Variants in PRKCQ observed in about 807,000 individuals in gnomAD.
PRKCQ encodes protein kinase C theta type.
PRKCQ carries 41 observed loss-of-function variants against 91.2 expected under a neutral mutation model. The observed-to-expected ratio is 0.45, with a 90% CI of 0.35 to 0.58. PRKCQ has a LOEUF of 0.58. PRKCQ is among the 20% of genes least tolerant of loss of function. PRKCQ has a pLI of 0.00. For missense variants in PRKCQ, 673 were observed against 896.5 expected (o/e 0.75, Z 3.18); for synonymous variants, 307 against 316.9 (o/e 0.97, Z 0.33).
the PRKCQ span, among the ~76,000 whole-genome samples, chr10:6,410,317 T>C: frequency 2.0e-5 from 3 of 152,204 alleles, no homozygotes; most frequent in African/African-American, 4.8e-5. Flanking sequence ...TGACAAGATA[T>C]GTTAAAGTGA....
At chr10:6,575,205 C>T (rs538377629) in intron 1 of PRKCQ, among the ~76,000 whole-genome samples, 90 of 152,294 alleles carry the variant, frequency 5.9e-4, no homozygotes, top group Admixed American at 9.8e-4. Flanking sequence ...TCCTATTTGC[C>T]TGACCACATC....
At chr10:6,542,642 C>A (rs972177739) in intron 1 of PRKCQ, among the ~76,000 whole-genome samples, 4 of 152,206 alleles carry the variant, frequency 2.6e-5, no homozygotes, top group African/African-American at 9.6e-5. Flanking sequence ...ACAGCTGGAT[C>A]ACTAGGTACC....
intron 1 of PRKCQ, among the ~76,000 whole-genome samples, chr10:6,536,935 C>T (rs990220020): frequency 9.9e-5 from 15 of 152,214 alleles, no homozygotes; most frequent in Admixed American, 6.5e-4. Flanking sequence ...ACAATACCTA[C>T]GGTGCCTTTG....
chr10:6,567,971 G>T (rs757825606), intron 1 of PRKCQ, among the ~76,000 whole-genome samples: 1 of 152,006 alleles, frequency 6.6e-6, no homozygotes, highest in East Asian at 1.9e-4. Flanking sequence ...GGTGGCTCTC[G>T]CCTGTAATCC....
chr10:6,410,660 A>G, the PRKCQ span, among the ~76,000 whole-genome samples: 1 of 152,172 alleles, frequency 6.6e-6, no homozygotes. Flanking sequence ...ATGTCTTACA[A>G]TGAGTTGAGC....
intron 15 of PRKCQ, among the ~76,000 whole-genome samples, chr10:6,451,059 C>A (rs543860494): frequency 0.087 from 13,152 of 151,030 alleles, 640 homozygotes; most frequent in Middle Eastern, 0.19. Context: ...TAGCAGAAGG[C>A]AAGAAATAAC....
chr10:6,544,849 T>C (rs1374923503), intron 1 of PRKCQ, among the ~76,000 whole-genome samples: 1 of 152,140 alleles, frequency 6.6e-6, no homozygotes, highest in African/African-American at 2.4e-5. Context: ...CTCGAACTCC[T>C]GACCTCATGA....
intron 7 of PRKCQ, among the ~76,000 whole-genome samples, chr10:6,495,483 T>C (rs971164741): frequency 6.6e-6 from 1 of 152,240 alleles, no homozygotes; most frequent in Non-Finnish European, 1.5e-5. Flanking sequence ...TCAGTTTCAA[T>C]GTTCCCTCCG....
chr10:6,538,285 C>T (rs1164566636), intron 1 of PRKCQ, among the ~76,000 whole-genome samples: 2 of 152,232 alleles, frequency 1.3e-5, no homozygotes, highest in Non-Finnish European at 2.9e-5. Context: ...ACGGGTATGC[C>T]AGCCTGGGCC....
chr10:6,555,315 T>C (rs1244447289), intron 1 of PRKCQ, among the ~76,000 whole-genome samples: 1 of 151,692 alleles, frequency 6.6e-6, no homozygotes, highest in Non-Finnish European at 1.5e-5. Flanking sequence ...TCGAGAAGGA[T>C]CTGTTCATGT....
At chr10:6,492,996 C>A (rs546142735) in intron 7 of PRKCQ, among the ~76,000 whole-genome samples, 1 of 152,170 alleles carries the variant, frequency 6.6e-6, no homozygotes, top group South Asian at 2.1e-4. Flanking sequence ...CATTTTCAAC[C>A]AAGAAAAAAA....
chr10:6,417,526 C>A, the PRKCQ span, among the ~76,000 whole-genome samples: 1 of 152,172 alleles, frequency 6.6e-6, no homozygotes, highest in Non-Finnish European at 1.5e-5. Context: ...CGTAACTGTT[C>A]TGATGTTCGG....
the PRKCQ span, among the ~76,000 whole-genome samples, chr10:6,404,249 G>GT: frequency 0.055 from 1,029 of 18,830 alleles, 52 homozygotes; most frequent in African/African-American, 0.099. Context: ...GGGAGAGAAG[G>GT]GGGGGGGAGA....
chr10:6,579,303 G>A (rs781470115), intron 1 of PRKCQ, among the ~76,000 whole-genome samples: 4 of 152,110 alleles, frequency 2.6e-5, no homozygotes, highest in Admixed American at 6.5e-5. Flanking sequence ...ACCTTCTCCA[G>A]CCTAGTCCCC....
At chr10:6,468,627 G>C (rs1019181253) in intron 12 of PRKCQ, among the ~76,000 whole-genome samples, 3 of 152,162 alleles carry the variant, frequency 2.0e-5, no homozygotes, top group African/African-American at 7.2e-5. Context: ...AATAATTATA[G>C]TCATTTTTTT....
At chr10:6,519,283 T>C (rs1838903850) in intron 1 of PRKCQ, among the ~76,000 whole-genome samples, 1 of 152,200 alleles carries the variant, frequency 6.6e-6, no homozygotes, top group Non-Finnish European at 1.5e-5. Context: ...CTGTCCTCTG[T>C]GCACTCTAAA....
At chr10:6,397,943 G>T in the PRKCQ span, among the ~76,000 whole-genome samples, 1 of 151,986 alleles carries the variant, frequency 6.6e-6, no homozygotes, top group South Asian at 2.1e-4. Context: ...AAGAAAGAAA[G>T]AAATCCTTGC....
chr10:6,477,165 T>C (rs1836313168), intron 12 of PRKCQ, among the ~76,000 whole-genome samples: 1 of 152,224 alleles, frequency 6.6e-6, no homozygotes, highest in Non-Finnish European at 1.5e-5. Flanking sequence ...CAAATTCCTC[T>C]TTCTAGTTTC....
rs376741655 is a variant in PRKCQ, at chr10:6,555,964, G to A, written c.-10+24247C>T. 3.9e-5 allele frequency among the ~76,000 whole-genome samples: 6 copies of A among 152,274 alleles called. No individual in the cohort carries two copies. The South Asian group carries it at 8.3e-4, about 21-fold the overall frequency. On this transcript the variant is annotated intron_variant, in intron 1 of 17. Coordinates refer to ENST00000263125, the MANE Select transcript of PRKCQ (RefSeq NM_006257.5). ...GCAGAGGTTGCAGTGAGCTGAGATCGTGCCACTGCACTGAAGCCTGGGTAA... is the reference window on the plus strand; with the variant it reads ...GCAGAGGTTGCAGTGAGCTGAGATCATGCCACTGCACTGAAGCCTGGGTAA...
Sources: allele counts gnomAD v4.1 joint callset (sites outside exome capture counted in the v4.1 genomes callset), GRCh38; gene constraint gnomAD v4.1.1; transcripts MANE v1.5; gene names NCBI Gene and HGNC (gene_info 2026-07-23, HGNC 2026-07-21).